GLRA3: variants seen among roughly 807,000 people sequenced by gnomAD.
GLRA3 encodes the protein glycine receptor subunit alpha-3.
Under a neutral mutation model 60.4 loss-of-function variants are expected in GLRA3, and 44 were observed. The ratio of observed to expected loss-of-function variants is 0.73; its 90% confidence interval spans 0.57 to 0.94. The LOEUF (loss-of-function observed/expected upper bound fraction) is 0.94, where lower values mean the gene tolerates loss of function less well. Ranked by LOEUF, GLRA3 falls within the 40% of genes least tolerant of loss-of-function variation. The pLI, the probability that GLRA3 is intolerant of heterozygous loss-of-function variation, is 0.00. For missense variants in GLRA3, 508 were observed against 564.6 expected, an observed-to-expected ratio of 0.90 and a Z score of 1.02; for synonymous variants, 223 against 192.9, an observed-to-expected ratio of 1.16 and a Z score of -1.29.
intron 5 of GLRA3, among the ~76,000 whole-genome samples, chr4:174,701,223 C>T (rs370551242): frequency 1.5e-4 from 23 of 152,222 alleles, no homozygotes; most frequent in African/African-American, 3.1e-4. Flanking sequence ...ACTCATTCAC[C>T]GCTCAAAGAT....
In GLRA3 at chr4:174,644,376, C is replaced by T. The variant is rs556524725; in HGVS notation, c.1117-312G>A. On this transcript the variant is annotated intron_variant, in intron 9 of 9. Transcript: ENST00000274093. ...AATTAAAAAAAAAACAAGATAAAATCTATTGTGTTATATATGTTCATAAAC... is the reference window on the plus strand; with the variant it reads ...AATTAAAAAAAAAACAAGATAAAATTTATTGTGTTATATATGTTCATAAAC... 1.1e-4 allele frequency among the ~76,000 whole-genome samples: 17 copies of T among 150,272 alleles called. No individual in the cohort carries two copies. In the Middle Eastern group the frequency reaches 0.017, roughly 151 times the overall value.
At chr4:174,695,597 T>C (rs984232720) in intron 5 of GLRA3, among the ~76,000 whole-genome samples, 1 of 152,062 alleles carries the variant, frequency 6.6e-6, no homozygotes, top group Non-Finnish European at 1.5e-5. Flanking sequence ...CTCAAAGTAA[T>C]AGGACCCATC....
chr4:174,739,547 A>G (rs543366200), intron 3 of GLRA3, among the ~76,000 whole-genome samples: 58 of 152,262 alleles, frequency 3.8e-4, no homozygotes, highest in African/African-American at 1.4e-3. Context: ...AGTTTCTAAG[A>G]ATCATAAGAG....
intron 9 of GLRA3, among the ~76,000 whole-genome samples, chr4:174,648,730 C>T (rs558160677): frequency 1.5e-4 from 23 of 152,192 alleles, no homozygotes; most frequent in African/African-American, 4.3e-4. Context: ...GGTATATTAA[C>T]TCTTGGAGCT....
chr4:174,745,018 A>T (rs1245626026), intron 3 of GLRA3, among the ~76,000 whole-genome samples: 1 of 152,170 alleles, frequency 6.6e-6, no homozygotes, highest in Non-Finnish European at 1.5e-5. Flanking sequence ...TGCAAAATAC[A>T]CTCAAAAGCT....
intron 7 of GLRA3, among the ~76,000 whole-genome samples, chr4:174,676,532 T>C (rs1024193417): frequency 7.9e-5 from 12 of 152,166 alleles, no homozygotes; most frequent in African/African-American, 2.9e-4. Context: ...TGTGTGTGTA[T>C]GTGTTTGTGT....
chr4:174,760,926 A>G (rs572901675), intron 3 of GLRA3, among the ~76,000 whole-genome samples: 2 of 152,240 alleles, frequency 1.3e-5, no homozygotes, highest in African/African-American at 4.8e-5. Context: ...ATCTCAAAAA[A>G]AACATAAATT....
intron 2 of GLRA3, among the ~76,000 whole-genome samples, chr4:174,776,333 A>G (rs1738598100): frequency 6.6e-6 from 1 of 152,116 alleles, no homozygotes; most frequent in Non-Finnish European, 1.5e-5. Context: ...AAATAACAGA[A>G]AAATGGCCCT....
intron 1 of GLRA3, among the ~76,000 whole-genome samples, chr4:174,828,378 A>G (rs1280018355): frequency 6.6e-6 from 1 of 152,224 alleles, no homozygotes. Flanking sequence ...GTTTCTAAAT[A>G]CTAAATGTTT....
intron 3 of GLRA3, among the ~76,000 whole-genome samples, chr4:174,760,699 T>C (rs533030320): frequency 3.3e-5 from 5 of 152,262 alleles, no homozygotes; most frequent in Admixed American, 3.3e-4. Flanking sequence ...CTTGTTTTTT[T>C]AGTAGAGATG....
chr4:174,687,041 A>G (rs1734576248), intron 5 of GLRA3, among the ~76,000 whole-genome samples: 1 of 152,154 alleles, frequency 6.6e-6, no homozygotes, highest in Non-Finnish European at 1.5e-5. Flanking sequence ...TAACCATAAT[A>G]AGACATTTGC....
chr4:174,704,767 G>T (rs1735456681), intron 5 of GLRA3, among the ~76,000 whole-genome samples: 1 of 143,656 alleles, frequency 7.0e-6, no homozygotes, highest in Non-Finnish European at 1.5e-5. Context: ...ACTTAAAAAG[G>T]AAGAAAATCC....
At chr4:174,757,232 A>C (rs1392802262) in intron 3 of GLRA3, among the ~76,000 whole-genome samples, 2 of 151,852 alleles carry the variant, frequency 1.3e-5, no homozygotes, top group Non-Finnish European at 2.9e-5. Flanking sequence ...CCATATATTA[A>C]TTAGAAACAA....
chr4:174,659,226 A>G (rs1392232776), intron 7 of GLRA3, 29 bp from the exon 8 acceptor site: 5 of 1,573,882 alleles, frequency 3.2e-6, no homozygotes, highest in Non-Finnish European at 4.3e-6. Context: ...GAAAGCAAGC[A>G]AATTCACTTA....
At chr4:174,706,779 T>A (rs1431706460) in intron 5 of GLRA3, among the ~76,000 whole-genome samples, 4 of 152,178 alleles carry the variant, frequency 2.6e-5, no homozygotes, top group Non-Finnish European at 5.9e-5. Context: ...TGATAAAGAA[T>A]TTTACAAAGC....
intron 2 of GLRA3, among the ~76,000 whole-genome samples, chr4:174,782,012 CA>C (rs1373989506): frequency 3.4e-5 from 5 of 146,108 alleles, no homozygotes; most frequent in Non-Finnish European, 7.6e-5. Flanking sequence ...GAGACACAAC[CA>C]AAAAAGAGAA....
At chr4:174,741,411 G>A (rs764378807) in intron 3 of GLRA3, among the ~76,000 whole-genome samples, 1 of 152,134 alleles carries the variant, frequency 6.6e-6, no homozygotes, top group African/African-American at 2.4e-5. Context: ...CATTTAAATT[G>A]CTCATTAAAA....
intron 5 of GLRA3, among the ~76,000 whole-genome samples, chr4:174,689,424 CTTTATATTTTGCATAAA>C (rs1307437372): frequency 2.6e-5 from 4 of 152,060 alleles, no homozygotes; most frequent in Admixed American, 1.3e-4. Flanking sequence ...AGCCTGACTT[CTTTATATTTTGCATAAA>C]TTTATGGAGT....
At chr4:174,686,676 C>G (rs1001884702) in intron 5 of GLRA3, among the ~76,000 whole-genome samples, 1 of 152,166 alleles carries the variant, frequency 6.6e-6, no homozygotes, top group Non-Finnish European at 1.5e-5. Context: ...TCTGTGATAT[C>G]TACCTAGGCC....
Sources: allele counts gnomAD v4.1 joint callset (sites outside exome capture counted in the v4.1 genomes callset), GRCh38; gene constraint gnomAD v4.1.1; transcripts MANE v1.5; gene names NCBI Gene and HGNC (gene_info 2026-07-23, HGNC 2026-07-21).